Variants in ZNF69 observed in about 807,000 individuals in gnomAD.
ZNF69 encodes the protein zinc finger protein 69.
A neutral mutation model predicts 50.9 loss-of-function variants in ZNF69; 47 were observed. The ratio of observed to expected loss-of-function variants is 0.92; its 90% CI spans 0.73 to 1.18. The LOEUF (loss-of-function observed/expected upper bound fraction) is 1.18. Among genes scored for constraint, ZNF69 ranks in the 50% most tolerant of loss-of-function variants. The pLI is 0.00. For missense variants in ZNF69, 717 were observed against 675.1 expected (o/e 1.06, Z -0.69); for synonymous variants, 216 against 223.1 (o/e 0.97, Z 0.29).
chr19:11,890,290 T>C (rs1321795003), intron 1 of ZNF69, among the ~76,000 whole-genome samples: 2 of 152,242 alleles, frequency 1.3e-5, no homozygotes, highest in Non-Finnish European at 2.9e-5. Context: ...CCAGGCTTTG[T>C]TGGGCAGAGG....
intron 3 of ZNF69, 114 bp downstream of exon 3, chr19:11,904,079 A>G: frequency 1.5e-6 from 2 of 1,334,194 alleles, no homozygotes; most frequent in Non-Finnish European, 2.0e-6. Flanking sequence ...TTATTTTTAG[A>G]ATATTTGATC....
the ZNF69 span, chr19:11,948,276 G>C: frequency 1.2e-6 from 2 of 1,611,472 alleles, no homozygotes; most frequent in Non-Finnish European, 1.7e-6. Flanking sequence ...TGTTTTACAG[G>C]AGTCTCATAG....
chr19:11,913,342 C>A, intron 4 of ZNF69: 3 of 539,630 alleles, frequency 5.6e-6, no homozygotes, highest in Non-Finnish European at 1.0e-5. Context: ...GGAAATTTTA[C>A]TTTTCATGCT....
chr19:11,942,265 C>G, the ZNF69 span, among the ~76,000 whole-genome samples: 861 of 151,582 alleles, frequency 5.7e-3, 7 homozygotes, highest in African/African-American at 0.02. Flanking sequence ...GGCTAGCTAT[C>G]TGCCTTCTCT....
the ZNF69 span, among the ~76,000 whole-genome samples, chr19:11,944,387 T>C: frequency 6.6e-6 from 1 of 152,164 alleles, no homozygotes; most frequent in African/African-American, 2.4e-5. Flanking sequence ...CCCTAAACTA[T>C]TTTTGATAGT....
At chr19:11,974,075 T>TTC in the ZNF69 span, among the ~76,000 whole-genome samples, 1 of 66,180 alleles carries the variant, frequency 1.5e-5, no homozygotes, top group Admixed American at 1.5e-4. Flanking sequence ...TTTCTTTTCT[T>TTC]TCTTTCTTTC....
At chr19:11,896,967 A>T (rs1972135523) in intron 1 of ZNF69, among the ~76,000 whole-genome samples, 1 of 152,104 alleles carries the variant, frequency 6.6e-6, no homozygotes, top group Non-Finnish European at 1.5e-5. Context: ...TTCATTTTAT[A>T]TTGATGTTTT....
chr19:11,978,498 G>T, the ZNF69 span: 1 of 1,614,196 alleles, frequency 6.2e-7, no homozygotes, highest in East Asian at 2.2e-5. Context: ...AAGACGCATG[G>T]TAATGCACAG....
the ZNF69 span, among the ~76,000 whole-genome samples, chr19:11,951,150 CAAAAAAAA>C: frequency 1.5e-5 from 1 of 65,074 alleles, no homozygotes; most frequent in Non-Finnish European, 3.4e-5. Flanking sequence ...ACTCCATCTC[CAAAAAAAA>C]AAAAAAAAAA....
chr19:11,901,598 T>C (rs1208088985), intron 1 of ZNF69, among the ~76,000 whole-genome samples: 1 of 152,070 alleles, frequency 6.6e-6, no homozygotes, highest in Non-Finnish European at 1.5e-5. Context: ...GATTCTCCCA[T>C]GTCAGCCTTT....
chr19:11,947,042 A>G, the ZNF69 span: 1 of 1,361,922 alleles, frequency 7.3e-7, no homozygotes. Context: ...GTATAGATGG[A>G]GAGAAAGGGA....
chr19:11,928,994 TACA>T, the ZNF69 span, among the ~76,000 whole-genome samples: 4 of 148,096 alleles, frequency 2.7e-5, no homozygotes, highest in African/African-American at 1.1e-4. Context: ...TTCAGTCATT[TACA>T]ACATTTTACA....
the ZNF69 span, chr19:11,977,259 T>C: frequency 2.5e-6 from 4 of 1,602,998 alleles, no homozygotes; most frequent in Admixed American, 7.0e-5. Context: ...AGACAGGAAA[T>C]ACTTTGATGA....
chr19:11,966,939 A>G, the ZNF69 span, among the ~76,000 whole-genome samples: 2 of 152,136 alleles, frequency 1.3e-5, no homozygotes, highest in Non-Finnish European at 1.5e-5. Context: ...GCTTTATATT[A>G]CCAGGAAAAG....
the ZNF69 span, among the ~76,000 whole-genome samples, chr19:11,942,914 C>G: frequency 2.6e-5 from 4 of 152,296 alleles, no homozygotes; most frequent in South Asian, 2.1e-4. Context: ...CTTATTCCCC[C>G]CTTTGAGAAT....
At chr19:11,958,492 CAA>C in the ZNF69 span, among the ~76,000 whole-genome samples, 1 of 152,186 alleles carries the variant, frequency 6.6e-6, no homozygotes. Context: ...GTGTCAGAAA[CAA>C]AAGACACCAT....
At chr19:11,926,424 T>C in the ZNF69 span, among the ~76,000 whole-genome samples, 2 of 152,212 alleles carry the variant, frequency 1.3e-5, no homozygotes, top group African/African-American at 4.8e-5. Context: ...CGGAGTCTCC[T>C]GTCGCCCAGA....
intron 1 of ZNF69, among the ~76,000 whole-genome samples, chr19:11,891,837 C>A (rs952003071): frequency 1.3e-5 from 2 of 152,072 alleles, no homozygotes; most frequent in African/African-American, 4.8e-5. Context: ...TCTTGTTAGT[C>A]TCAAGATGGA....
At chr19:11,931,124 G>A in the ZNF69 span, among the ~76,000 whole-genome samples, 2 of 148,256 alleles carry the variant, frequency 1.3e-5, no homozygotes, top group Non-Finnish European at 2.9e-5. Flanking sequence ...GCTGCAGTGT[G>A]TAGTAGGGAT....
Sources: allele counts gnomAD v4.1 joint callset (sites outside exome capture counted in the v4.1 genomes callset), GRCh38; gene constraint gnomAD v4.1.1; transcripts MANE v1.5; gene names NCBI Gene and HGNC (gene_info 2026-07-23, HGNC 2026-07-21).